HTR4: variants seen among roughly 807,000 people sequenced by gnomAD.
The protein encoded by HTR4 is 5-hydroxytryptamine receptor 4, also known as 5-hydroxytryptamine (serotonin) receptor 4, G protein-coupled.
A neutral mutation model predicts 36.8 loss-of-function variants in HTR4; 16 were observed. The observed-to-expected ratio is 0.43, with a 90% CI of 0.29 to 0.66. HTR4 has a LOEUF of 0.66. Ranked by LOEUF, HTR4 falls within the 30% of genes least tolerant of loss-of-function variation. The probability of loss-of-function intolerance (pLI) is 0.13; values close to 1 mark genes in which losing one functional copy is unlikely to be tolerated. For synonymous variants in HTR4, 189 were observed against 185.1 expected (o/e 1.02, Z -0.17); for missense variants, 438 against 490.9 (o/e 0.89, Z 1.02).
chr5:148,503,003 A>G (rs543150878), intron 6 of HTR4, among the ~76,000 whole-genome samples: 25 of 152,330 alleles, frequency 1.6e-4, no homozygotes, highest in African/African-American at 5.3e-4. Context: ...GAAAAGACCA[A>G]ATCTACGTCT....
Position 148,560,205 on chromosome 5 carries a change from T to TAAA in HTR4, c.27-9946_27-9944dup, listed in dbSNP as rs34166829. On this transcript the variant is annotated intron_variant, in intron 2 of 6. Transcript: ENST00000377888. ...TCTTTTTTACGGAAAGCTTTTTTTT[T>TAAA]AAAAAAAAAAAAAAAAAAAAGAGGA... Among the ~76,000 whole-genome samples, 16 of 91,428 alleles carry TAAA rather than the reference T, an allele frequency of 1.8e-4. No individual in the cohort carries two copies. In the South Asian group the frequency reaches 2.8e-3, roughly 16 times the overall value. The allele number at this position is 91,428 out of a possible 152,430, so 60.0% of individuals were successfully genotyped here. A position where few individuals can be genotyped will look rare whatever the true frequency, so the allele number is the denominator to read the frequency against.
At chr5:148,491,264 A>G (rs932445966) in intron 6 of HTR4, among the ~76,000 whole-genome samples, 3 of 152,136 alleles carry the variant, frequency 2.0e-5, no homozygotes, top group African/African-American at 7.2e-5. Flanking sequence ...CTCTAACCAC[A>G]GAAGTTCAGG....
At position 148,451,038 on chromosome 5, in the gene HTR4, C is replaced by T. The variant is rs1420294757; in HGVS notation, c.*147G>A. 5 of 1,380,250 alleles carry T rather than the reference C, an allele frequency of 3.6e-6. No homozygotes were observed. In the East Asian group the frequency reaches 9.4e-5, roughly 26 times the overall value. 85.5% of individuals were successfully genotyped at this position (1,380,250 alleles called of 1,614,324 possible). ...CTCTGGCCTCAGCTACCCCCCAACA[C>T]TGTCCTCCATGTACCTCCTCTGGGC... On this transcript the variant is annotated 3_prime_UTR_variant, in exon 6 of 6. Transcript: ENST00000521530.
chr5:148,507,749 A>G (rs761893289), intron 6 of HTR4, among the ~76,000 whole-genome samples: 23 of 152,070 alleles, frequency 1.5e-4, no homozygotes, highest in Non-Finnish European at 3.2e-4. Flanking sequence ...GAAACTCCCA[A>G]ACTCTCTATG....
At chr5:148,642,322 T>C (rs7717191) in intron 1 of HTR4, among the ~76,000 whole-genome samples, 6,646 of 152,234 alleles carry the variant, frequency 0.044, 474 homozygotes, top group African/African-American at 0.15. Flanking sequence ...GTCTATTCAC[T>C]ATTCATGATC....
chr5:148,518,038 C>T (rs1031407896), intron 5 of HTR4, among the ~76,000 whole-genome samples: 4 of 152,062 alleles, frequency 2.6e-5, no homozygotes, highest in African/African-American at 7.2e-5. Flanking sequence ...TTTGCACTTG[C>T]TATTTTTCTG....
intron 6 of HTR4, among the ~76,000 whole-genome samples, chr5:148,505,611 T>C (rs1757157910): frequency 6.6e-6 from 1 of 152,202 alleles, no homozygotes; most frequent in African/African-American, 2.4e-5. Context: ...CATGACTGTA[T>C]ATTTAGAAAA....
chr5:148,532,513 T>C (rs914618906), intron 4 of HTR4, among the ~76,000 whole-genome samples: 1 of 152,206 alleles, frequency 6.6e-6, no homozygotes, highest in Non-Finnish European at 1.5e-5. Context: ...AACAGGCATA[T>C]CTAGCAGAGG....
chr5:148,589,784 C>T (rs77233444), intron 2 of HTR4, among the ~76,000 whole-genome samples: 20,333 of 151,888 alleles, frequency 0.13, 1,550 homozygotes, highest in African/African-American at 0.19. Flanking sequence ...AATATACATA[C>T]ACATTTTTAA....
intron 2 of HTR4, among the ~76,000 whole-genome samples, chr5:148,602,481 A>C (rs1561643902): frequency 6.6e-6 from 1 of 152,220 alleles, no homozygotes; most frequent in Admixed American, 6.5e-5. Flanking sequence ...AGATAAGGCA[A>C]GGCTTAGTGG....
At chr5:148,455,867 G>A (rs1755090616) in intron 5 of HTR4, among the ~76,000 whole-genome samples, 1 of 152,082 alleles carries the variant, frequency 6.6e-6, no homozygotes, top group East Asian at 1.9e-4. Context: ...TTGTAATGTG[G>A]AAGTGGACCA....
At chr5:148,581,862 A>G (rs892980280) in intron 2 of HTR4, among the ~76,000 whole-genome samples, 8 of 152,210 alleles carry the variant, frequency 5.3e-5, no homozygotes, top group African/African-American at 1.9e-4. Flanking sequence ...TGTTTTATTT[A>G]TAATTATAAA....
intron 2 of HTR4, among the ~76,000 whole-genome samples, chr5:148,632,703 A>G (rs368302541): frequency 1.5e-4 from 23 of 152,304 alleles, no homozygotes; most frequent in East Asian, 9.6e-4. Flanking sequence ...GATTGAAAAA[A>G]TTTCTTAGAA....
At chr5:148,451,121 A>G in exon 6 of HTR4, 2 of 1,608,514 alleles carry the variant, frequency 1.2e-6, no homozygotes, top group Non-Finnish European at 1.7e-6. Context: ...AAGTGATGCC[A>G]GGGTGACCTG....
intron 2 of HTR4, among the ~76,000 whole-genome samples, chr5:148,551,375 T>C (rs1169667761): frequency 6.6e-6 from 1 of 152,206 alleles, no homozygotes; most frequent in Non-Finnish European, 1.5e-5. Flanking sequence ...TTCACCACCC[T>C]GATCATTTCT....
chr5:148,497,859 T>C (rs527914267), intron 6 of HTR4, among the ~76,000 whole-genome samples: 2 of 152,358 alleles, frequency 1.3e-5, no homozygotes, highest in South Asian at 2.1e-4. Flanking sequence ...AAAATATTTA[T>C]ATGAAAATAA....
At chr5:148,622,446 A>G (rs1752949888) in intron 2 of HTR4, among the ~76,000 whole-genome samples, 1 of 152,212 alleles carries the variant, frequency 6.6e-6, no homozygotes, top group Admixed American at 6.5e-5. Context: ...TACAAGAAAC[A>G]CTGTATAAAA....
chr5:148,521,043 T>C (rs998547220), intron 5 of HTR4: 12 of 1,356,498 alleles, frequency 8.8e-6, no homozygotes, highest in Admixed American at 1.9e-5. Context: ...TTGAGGGTCC[T>C]GTTGCTCTTA....
At chr5:148,607,830 C>T (rs1042805416) in intron 2 of HTR4, among the ~76,000 whole-genome samples, 1 of 152,164 alleles carries the variant, frequency 6.6e-6, no homozygotes, top group African/African-American at 2.4e-5. Flanking sequence ...CCCCACAATA[C>T]TCACTGGCTA....
Sources: gnomAD v4.1 joint callset for allele counts (sites outside exome capture counted in the v4.1 genomes callset) on GRCh38, gnomAD v4.1.1 for gene constraint, MANE v1.5 for transcripts, NCBI Gene and HGNC (gene_info 2026-07-23, HGNC 2026-07-21) for gene names.